The following RNLS variants were observed in gnomAD, a reference collection of about 807,000 sequenced individuals.
RNLS encodes renalase, FAD dependent amine oxidase.
Under a neutral mutation model 39.8 loss-of-function variants are expected in RNLS, and 39 were observed. The ratio of observed to expected loss-of-function variants is 0.98; its 90% CI spans 0.76 to 1.28. The LOEUF is 1.28. Among genes scored for constraint, RNLS ranks in the 50% most tolerant of loss-of-function variants. The pLI is 0.00. For synonymous variants in RNLS, 147 were observed against 150.7 expected (o/e 0.98, Z 0.18); for missense variants, 410 against 413.3 (o/e 0.99, Z 0.07).
the RNLS span, among the ~76,000 whole-genome samples, chr10:88,229,401 GA>G: frequency 3.9e-5 from 6 of 152,116 alleles, no homozygotes; most frequent in African/African-American, 1.4e-4. Context: ...GCCTCCAGAG[GA>G]AAAGTAGCCA....
rs1217903555 is a variant in RNLS, at chr10:88,310,824, A to AAAAAAAAAAAAAAAAAAAAAG, written c.876+3641_876+3642insCTTTTTTTTTTTTTTTTTTTT. On this transcript the variant is annotated intron_variant, in intron 6 of 6. Transcript: ENST00000331772. ...GCCAAAAAAAAAAAAAAAAAAAAAA[A>AAAAAAAAAAAAAAAAAAAAAG]AAAGAAAGAAAAGGAAGAGAAAAGG... Among the ~76,000 whole-genome samples the AAAAAAAAAAAAAAAAAAAAAG allele has an allele frequency of 1.2e-3, 137 of 113,408 alleles. 5 individuals carry two copies. The highest frequency in any genetic ancestry group is 4.4e-3 in the Middle Eastern group (1 of 226). 74.4% of individuals were successfully genotyped at this position (113,408 alleles called of 152,430 possible).
chr10:88,434,112 A>G (rs1855303913), intron 4 of RNLS, among the ~76,000 whole-genome samples: 1 of 152,120 alleles, frequency 6.6e-6, no homozygotes, highest in African/African-American at 2.4e-5. Context: ...TTGCACAACT[A>G]CCTTAAAACA....
chr10:88,235,253 G>A, the RNLS span, among the ~76,000 whole-genome samples: 1 of 120,330 alleles, frequency 8.3e-6, no homozygotes, highest in Non-Finnish European at 1.6e-5. Context: ...GGGTGATAGA[G>A]CGAGACTCTA....
At chr10:88,523,981 T>G (rs1007541965) in intron 4 of RNLS, among the ~76,000 whole-genome samples, 1 of 152,156 alleles carries the variant, frequency 6.6e-6, no homozygotes, top group African/African-American at 2.4e-5. Context: ...TGGTTAAACA[T>G]CAGCTTCCTG....
At chr10:88,534,066 G>A (rs1034882811) in intron 4 of RNLS, among the ~76,000 whole-genome samples, 2 of 152,038 alleles carry the variant, frequency 1.3e-5, no homozygotes, top group African/African-American at 4.8e-5. Context: ...TTTCAATCCT[G>A]ATTAGCTAAG....
the RNLS span, among the ~76,000 whole-genome samples, chr10:88,253,323 C>A: frequency 6.6e-6 from 1 of 152,110 alleles, no homozygotes; most frequent in East Asian, 1.9e-4. Context: ...CTACCCAATC[C>A]CTGAGGGAAA....
the RNLS span, among the ~76,000 whole-genome samples, chr10:88,257,387 G>A: frequency 6.6e-6 from 1 of 152,140 alleles, no homozygotes; most frequent in East Asian, 1.9e-4. Context: ...AATATAGCGT[G>A]CACACTATAT....
intron 5 of RNLS, among the ~76,000 whole-genome samples, chr10:88,358,158 A>G (rs943368368): frequency 6.6e-6 from 1 of 152,352 alleles, no homozygotes; most frequent in South Asian, 2.1e-4. Flanking sequence ...TTAATATGAT[A>G]AACACCTTAT....
chr10:88,330,661 A>G (rs1034197415), intron 5 of RNLS, among the ~76,000 whole-genome samples: 2 of 152,102 alleles, frequency 1.3e-5, no homozygotes, highest in African/African-American at 4.8e-5. Context: ...AATCCAATAA[A>G]CTTGATCAAG....
rs72818070 is a variant in RNLS at position 88,274,788 on chromosome 10, A to T, written c.*173T>A. The T allele has an allele frequency of 0.03, 14,830 of 492,652 alleles. 326 individuals carry two copies. Among genetic ancestry groups the T allele is most frequent in the African/African-American group, 0.054 (2,807 of 51,840 alleles). 30.5% of individuals were successfully genotyped at this position (492,652 alleles called of 1,614,324 possible). ...CCGTATCATTTTCCATAGTAGCTAC[A>T]TCATTTTACATTCCCACCGGCACTG... On this transcript the variant is annotated 3_prime_UTR_variant, in exon 7 of 7. Transcript: ENST00000371947.
At chr10:88,562,897 G>A (rs1272486896) in intron 4 of RNLS, among the ~76,000 whole-genome samples, 1 of 151,928 alleles carries the variant, frequency 6.6e-6, no homozygotes, top group Admixed American at 6.6e-5. Flanking sequence ...AACTCAGGTA[G>A]GTATATTGTT....
chr10:88,550,705 A>G (rs1401859083), intron 4 of RNLS, among the ~76,000 whole-genome samples: 2 of 152,192 alleles, frequency 1.3e-5, no homozygotes, highest in Non-Finnish European at 2.9e-5. Flanking sequence ...CCACATTAAC[A>G]TTTTATAAAC....
intron 4 of RNLS, among the ~76,000 whole-genome samples, chr10:88,408,539 T>G (rs1014930807): frequency 1.3e-5 from 2 of 152,112 alleles, no homozygotes; most frequent in African/African-American, 4.8e-5. Flanking sequence ...CCTGAAGTAC[T>G]GAGGTTACAG....
chr10:88,416,008 T>C (rs1854000794), intron 4 of RNLS, among the ~76,000 whole-genome samples: 1 of 152,148 alleles, frequency 6.6e-6, no homozygotes, highest in Admixed American at 6.6e-5. Flanking sequence ...GCAGTTAGCA[T>C]GACAAAGCCT....
At chr10:88,369,371 T>G (rs1850365938) in intron 4 of RNLS, among the ~76,000 whole-genome samples, 1 of 152,110 alleles carries the variant, frequency 6.6e-6, no homozygotes, top group South Asian at 2.1e-4. Context: ...TTCTGGAAGG[T>G]TTTGGTCAAT....
chr10:88,329,084 CTTT>C (rs776645419), intron 5 of RNLS, among the ~76,000 whole-genome samples: 1 of 142,090 alleles, frequency 7.0e-6, no homozygotes, highest in African/African-American at 2.6e-5. Flanking sequence ...TTTTGTTTTT[CTTT>C]TTTTTTTTTT....
At chr10:88,359,450 T>C (rs1849467425) in intron 5 of RNLS, among the ~76,000 whole-genome samples, 2 of 152,184 alleles carry the variant, frequency 1.3e-5, no homozygotes, top group African/African-American at 4.8e-5. Flanking sequence ...CCCCAGATAG[T>C]GAGAAAAAAA....
chr10:88,188,321 T>C, the RNLS span, among the ~76,000 whole-genome samples: 1 of 152,202 alleles, frequency 6.6e-6, no homozygotes, highest in Non-Finnish European at 1.5e-5. Flanking sequence ...CTTCCCAAAG[T>C]GCTAGGATTA....
intron 4 of RNLS, among the ~76,000 whole-genome samples, chr10:88,413,643 T>C (rs944921208): frequency 6.6e-6 from 1 of 152,170 alleles, no homozygotes; most frequent in African/African-American, 2.4e-5. Context: ...TGATGGGGGT[T>C]GTATTTTCCA....
Sources: gnomAD v4.1 joint callset for allele counts (sites outside exome capture counted in the v4.1 genomes callset) on GRCh38, gnomAD v4.1.1 for gene constraint, MANE v1.5 for transcripts, NCBI Gene and HGNC (gene_info 2026-07-23, HGNC 2026-07-21) for gene names.